PCDHGC4: variants seen among roughly 807,000 people sequenced by gnomAD.
PCDHGC4 encodes the protein protocadherin gamma-C4.
A neutral mutation model predicts 59.7 loss-of-function variants in PCDHGC4; 15 were observed. That is an observed-to-expected ratio of 0.25 (90% CI 0.17 to 0.39). The LOEUF (loss-of-function observed/expected upper bound fraction) is 0.39. PCDHGC4 is among the 10% of genes least tolerant of loss of function. The pLI, the probability that PCDHGC4 is intolerant of heterozygous loss-of-function variation, is 1.00. For missense variants in PCDHGC4, 1,016 were observed against 1,189.5 expected (o/e 0.85, Z 2.15); for synonymous variants, 434 against 481.4 (o/e 0.90, Z 1.29).
chr5:141,496,284 G>A (rs1052943936), intron 2 of PCDHGC4, among the ~76,000 whole-genome samples: 6 of 152,210 alleles, frequency 3.9e-5, no homozygotes, highest in Admixed American at 1.3e-4. Context: ...CAGTTGGTCT[G>A]AGCAGAGTGG....
intron 3 of PCDHGC4, among the ~76,000 whole-genome samples, chr5:141,508,792 CT>C (rs1475631459): frequency 6.6e-6 from 1 of 152,130 alleles, no homozygotes; most frequent in Non-Finnish European, 1.5e-5. Flanking sequence ...CTAAATCACT[CT>C]GGAATCCTGG....
At chr5:141,500,488 C>A (rs569168291) in intron 2 of PCDHGC4, among the ~76,000 whole-genome samples, 2 of 152,060 alleles carry the variant, frequency 1.3e-5, no homozygotes, top group East Asian at 3.9e-4. Flanking sequence ...GGATTACAGG[C>A]GTGAGCCACC....
chr5:141,506,177 G>A (rs1024892091), intron 3 of PCDHGC4, among the ~76,000 whole-genome samples: 16 of 152,142 alleles, frequency 1.1e-4, no homozygotes, highest in Admixed American at 4.6e-4. Flanking sequence ...TAAGCTGGGC[G>A]TGGTGGCTCA....
Position 141,489,384 on chromosome 5 carries a change from T to C in PCDHGC4, c.2442+1769T>C, listed in dbSNP as rs2099686499. The stretch of plus-strand genomic sequence containing the variant: ...AGCCGGGGACGCTGGTGGGGAATGT[T>C]GCTCAGGATCTGGGCTTAAAGATGA... On this transcript the variant is annotated intron_variant, in intron 1 of 3. Transcript: ENST00000306593. The surrounding 1 kb of genome is among the most constrained non-coding windows in gnomAD (Gnocchi z 4.5). 1 of 1,613,986 alleles carries C rather than the reference T, an allele frequency of 6.2e-7. No individual in the cohort carries two copies. The highest frequency in any genetic ancestry group is 8.5e-7 in the Non-Finnish European group (1 of 1,179,842).
chr5:141,486,552 A>C lies in PCDHGC4; in HGVS notation c.1379A>C (p.His460Pro). The C allele has an allele frequency of 6.2e-7, 1 of 1,614,136 alleles. No individual in the cohort carries two copies. The highest frequency in any genetic ancestry group is 1.1e-5 in the South Asian group (1 of 91,082). The change falls in exon 1 of 4, where the codon CAT becomes CCT. Residue 460 changes from histidine (H) to proline (P), a missense_variant. Coordinates refer to ENST00000306593, the MANE Select transcript of PCDHGC4 (RefSeq NM_018928.3). This position sits in a 1 kb window ranked among gnomAD's most constrained non-coding sequence, Gnocchi z 5.0. The stretch of plus-strand genomic sequence containing the variant: ...CCACCCTCTTTCTTTCAGAGGTCAC[A>C]TGAGGTGTTTGTTCCTGAGAACAAT... ...DNPPSFFQRS[H>P]EVFVPENNRP...
chr5:141,498,294 G>A (rs2099782964), intron 2 of PCDHGC4, among the ~76,000 whole-genome samples: 1 of 151,910 alleles, frequency 6.6e-6, no homozygotes, highest in African/African-American at 2.4e-5. Flanking sequence ...GATCAAGCCA[G>A]CTCTGGGTCA....
intron 2 of PCDHGC4, among the ~76,000 whole-genome samples, chr5:141,498,352 CA>C: frequency 6.6e-6 from 1 of 151,890 alleles, no homozygotes; most frequent in African/African-American, 2.4e-5. Flanking sequence ...AAAGCCTATG[CA>C]AAAGCCTTGT....
chr5:141,485,340 C>A lies in PCDHGC4; in HGVS notation c.167C>A (p.Thr56Lys). 1 of 1,614,076 alleles carries A rather than the reference C, an allele frequency of 6.2e-7. No individual in the cohort carries two copies. Residue 56 changes from threonine (T) to lysine (K), a missense_variant, in exon 1 of 4, where the codon ACG (threonine) becomes AAG (lysine). By Grantham distance (78) the Thr-to-Lys change is moderately conservative. Transcript: ENST00000306593. The surrounding 1 kb of genome is among the most constrained non-coding windows in gnomAD (Gnocchi z 5.7). ...GTCGCTCAAGATTTCCTGCTGGATA[C>A]GGACAGTCTGTCAGCTCGCAGGCTG... ...GNVAQDFLLD[T>K]DSLSARRLQV...
intron 3 of PCDHGC4, 162 bp downstream of exon 3, chr5:141,505,643 T>C: frequency 1.0e-6 from 1 of 967,852 alleles, no homozygotes. Context: ...AAGCCTGGAA[T>C]TGTGGCTAAG....
In PCDHGC4 at chr5:141,505,380, A is replaced by C; in HGVS notation, c.2502-13A>C. On this transcript the variant is annotated splice_polypyrimidine_tract_variant and intron_variant, in intron 2 of 3. Coordinates refer to ENST00000306593, the MANE Select transcript of PCDHGC4 (RefSeq NM_018928.3). ...CCTGGGAGTCTGTGCTCACCATCCT[A>C]CTCTCTCCCCAGCTCCCAAAATGGC... 1 of 1,613,480 alleles carries C rather than the reference A, an allele frequency of 6.2e-7. No homozygotes were observed. Among genetic ancestry groups the C allele is most frequent in the Non-Finnish European group, 8.5e-7 (1 of 1,179,856 alleles).
rs2099749948 is a variant in PCDHGC4 at position 141,493,762 on chromosome 5, C to T, written c.2443-1045C>T. Among the ~76,000 whole-genome samples the T allele has an allele frequency of 1.3e-5, 2 of 152,130 alleles. No homozygotes were observed. Among genetic ancestry groups the T allele is most frequent in the South Asian group, 4.1e-4 (2 of 4,830 alleles). Reference sequence around the variant, plus strand: ...TGCCACCTGTGAGCCTTGAGTGAGCCACTGGCAGTTCCGGAGCTTCCTTCT... The same window carrying T: ...TGCCACCTGTGAGCCTTGAGTGAGCTACTGGCAGTTCCGGAGCTTCCTTCT... On this transcript the variant is annotated intron_variant, in intron 1 of 3. Transcript: ENST00000306593. The surrounding 1 kb of genome is among the most constrained non-coding windows in gnomAD (Gnocchi z 4.3).
chr5:141,499,174 C>T (rs930279867), intron 2 of PCDHGC4, among the ~76,000 whole-genome samples: 20 of 152,198 alleles, frequency 1.3e-4, no homozygotes, highest in Middle Eastern at 3.4e-3. Flanking sequence ...AGCTCTGAGC[C>T]CAGCAAACCA....
chr5:141,490,098 T>C lies in PCDHGC4; in HGVS notation c.2442+2483T>C, dbSNP rs774132407. On this transcript the variant is annotated intron_variant, in intron 1 of 3. Transcript: ENST00000306593. The surrounding 1 kb of genome is among the most constrained non-coding windows in gnomAD (Gnocchi z 5.4). ...ACTATTCTTTTGGAGACCACACATCTGAGGCAGTGCGGAACCTCTTTGGCC... is the reference window on the plus strand; with the variant it reads ...ACTATTCTTTTGGAGACCACACATCCGAGGCAGTGCGGAACCTCTTTGGCC... The C allele has an allele frequency of 6.2e-7, 1 of 1,614,260 alleles. No homozygotes were observed. The highest frequency in any genetic ancestry group is 8.5e-7 in the Non-Finnish European group (1 of 1,180,038).
In PCDHGC4 at chr5:141,486,270, G is replaced by A. The variant is rs1052584402; in HGVS notation, c.1097G>A (p.Gly366Asp). 2 of 1,614,062 alleles carry A rather than the reference G, an allele frequency of 1.2e-6. No homozygotes were observed. ...LGTLPESAEP[G>D]TVVALISVQD... Reference sequence around the variant, plus strand: ...ACCCTCCCCGAGAGTGCAGAACCTGGCACTGTGGTGGCACTTATCAGTGTG... The same window carrying A: ...ACCCTCCCCGAGAGTGCAGAACCTGACACTGTGGTGGCACTTATCAGTGTG... The change falls in exon 1 of 4, where the codon GGC becomes GAC. Residue 366 changes from glycine to aspartate, a missense_variant. Coordinates refer to ENST00000306593, the MANE Select transcript of PCDHGC4 (RefSeq NM_018928.3). This position sits in a 1 kb window ranked among gnomAD's most constrained non-coding sequence, Gnocchi z 5.0.
chr5:141,502,470 G>A (rs1017558920), intron 2 of PCDHGC4, among the ~76,000 whole-genome samples: 5 of 150,916 alleles, frequency 3.3e-5, no homozygotes, highest in Admixed American at 2.6e-4. Flanking sequence ...AATACTTCCC[G>A]CAGCATCACA....
In PCDHGC4 at chr5:141,487,774, C is replaced by T. The variant is rs1272776899; in HGVS notation, c.2442+159C>T. 2.0e-6 allele frequency: 3 copies of T among 1,534,064 alleles called. 1 individual carries two copies. The highest frequency in any genetic ancestry group is 2.6e-6 in the Non-Finnish European group (3 of 1,135,588). On this transcript the variant is annotated intron_variant, in intron 1 of 3. Transcript: ENST00000306593. The surrounding 1 kb of genome is among the most constrained non-coding windows in gnomAD (Gnocchi z 5.0). Reference sequence around the variant, plus strand: ...ATGTGGTAGACGCTGTGCTTTGTAACTGTTTCGTGAATTAACCAGAGTTGT... The same window carrying T: ...ATGTGGTAGACGCTGTGCTTTGTAATTGTTTCGTGAATTAACCAGAGTTGT...
chr5:141,491,666 G>T lies in PCDHGC4; in HGVS notation c.2443-3141G>T, dbSNP rs373526771. Reference sequence around the variant, plus strand: ...CTGGCGCTGGAGCCTGACGCCATCCGGTCCCGCTCTAATACGCTGCGGGAG... The same window carrying T: ...CTGGCGCTGGAGCCTGACGCCATCCTGTCCCGCTCTAATACGCTGCGGGAG... On this transcript the variant is annotated intron_variant, in intron 1 of 3. Transcript: ENST00000306593. This position sits in a 1 kb window ranked among gnomAD's most constrained non-coding sequence, Gnocchi z 6.9. 1.2e-6 allele frequency: 2 copies of T among 1,613,732 alleles called. No homozygotes were observed. Among genetic ancestry groups the T allele is most frequent in the Non-Finnish European group, 1.7e-6 (2 of 1,180,008 alleles).
At chr5:141,505,202 T>C (rs778935321) in intron 2 of PCDHGC4, among the ~76,000 whole-genome samples, 191 bp from the exon 3 acceptor site, 3 of 152,012 alleles carry the variant, frequency 2.0e-5, no homozygotes, top group Non-Finnish European at 4.4e-5. Flanking sequence ...AAAGAGCTGG[T>C]TTGAGGGACT....
chr5:141,510,954 T>G lies in PCDHGC4; in HGVS notation c.2598T>G (p.Ala866=), dbSNP rs774590102. The change falls in exon 4 of 4, where the codon GCT becomes GCG. Residue 866 remains alanine, a synonymous_variant. Coordinates refer to ENST00000306593, the MANE Select transcript of PCDHGC4 (RefSeq NM_018928.3). ...AMILASASEA[A]DGSSTLGGGA... ...CTTCCTCTGTCTCTGCAGAAGCTGC[T>G]GATGGGAGCTCCACCCTGGGAGGGG... is the stretch of plus-strand genomic sequence containing the variant. The G allele has an allele frequency of 3.1e-6, 5 of 1,614,162 alleles. No homozygotes were observed. The Admixed American group carries it at 8.3e-5, about 27-fold the overall frequency.
Sources: gnomAD v4.1 joint callset for allele counts (sites outside exome capture counted in the v4.1 genomes callset) on GRCh38, gnomAD v4.1.1 for gene constraint, Gnocchi (gnomAD v3.1) non-coding constraint, MANE v1.5 for transcripts, NCBI Gene and HGNC (gene_info 2026-07-23, HGNC 2026-07-21) for gene names.